The following CDH10 variants were observed in gnomAD, a reference collection of about 807,000 sequenced individuals.
CDH10 encodes the protein cadherin 10, also known as cadherin-10.
CDH10 carries 30 observed loss-of-function variants against 73.1 expected under a neutral mutation model. The ratio of observed to expected loss-of-function variants is 0.41; its 90% CI spans 0.31 to 0.56. The LOEUF is 0.56. CDH10 is among the 20% of genes least tolerant of loss of function. The pLI is 0.27. For missense variants in CDH10, 815 were observed against 973.7 expected (o/e 0.84, Z 2.17); for synonymous variants, 345 against 348.2 (o/e 0.99, Z 0.10).
At chr5:24,618,496 T>C (rs1747199423) in intron 1 of CDH10, among the ~76,000 whole-genome samples, 1 of 152,200 alleles carries the variant, frequency 6.6e-6, no homozygotes, top group Non-Finnish European at 1.5e-5. Context: ...CATGAAGCCT[T>C]TTTCTTTTCT....
At chr5:24,574,074 A>G (rs983434135) in intron 2 of CDH10, among the ~76,000 whole-genome samples, 5 of 151,596 alleles carry the variant, frequency 3.3e-5, no homozygotes, top group African/African-American at 1.2e-4. Context: ...TTTAGTAGAA[A>G]CAGGGTTTCA....
chr5:24,489,961 A>G (rs890781312), intron 11 of CDH10, among the ~76,000 whole-genome samples: 6 of 152,106 alleles, frequency 3.9e-5, no homozygotes, highest in African/African-American at 1.4e-4. Flanking sequence ...GTGACCTTGG[A>G]ATATGTTCTG....
intron 2 of CDH10, among the ~76,000 whole-genome samples, chr5:24,547,099 T>C (rs1380654521): frequency 1.3e-5 from 2 of 152,242 alleles, no homozygotes; most frequent in Non-Finnish European, 2.9e-5. Context: ...CAGTGGACTA[T>C]GTATACATGG....
Position 24,492,908 on chromosome 5 carries a change from A to G in CDH10, c.1533T>C (p.Ser511=). Residue 511 remains serine, a synonymous_variant, in exon 10 of 12, where the codon AGT becomes AGC. Coordinates refer to ENST00000264463, the MANE Select transcript of CDH10 (RefSeq NM_006727.5). ...CTAAAGGGTCATCTTTGTCTACTGC[A>G]CTTATAGTCTGTATTAGCTGCAGAA... ...ARPGQLIQTI[S]AVDKDDPLGG... is the part of the protein sequence containing the mutation. 1 of 1,515,284 alleles carries G rather than the reference A, an allele frequency of 6.6e-7. No individual in the cohort carries two copies. The highest frequency in any genetic ancestry group is 1.7e-5 in the Admixed American group (1 of 59,902). The allele number at this position is 1,515,284 out of a possible 1,614,324, so 93.9% of individuals were successfully genotyped here.
At chr5:24,525,190 G>A (rs1000402912) in intron 5 of CDH10, among the ~76,000 whole-genome samples, 9 of 151,952 alleles carry the variant, frequency 5.9e-5, no homozygotes, top group African/African-American at 1.7e-4. Context: ...TGAGTTTAGC[G>A]ACAAACAGCT....
At chr5:24,605,676 T>C (rs1284978117) in intron 1 of CDH10, among the ~76,000 whole-genome samples, 1 of 152,244 alleles carries the variant, frequency 6.6e-6, no homozygotes, top group Admixed American at 6.5e-5. Flanking sequence ...AGATGTTACA[T>C]ATGTACTAAT....
chr5:24,549,303 G>A (rs181131760), intron 2 of CDH10, among the ~76,000 whole-genome samples: 1 of 152,130 alleles, frequency 6.6e-6, no homozygotes, highest in Admixed American at 6.5e-5. Context: ...AGAGGAAATA[G>A]GTAAGAAATT....
At chr5:24,538,817 A>G (rs1744051052) in intron 2 of CDH10, among the ~76,000 whole-genome samples, 1 of 152,084 alleles carries the variant, frequency 6.6e-6, no homozygotes, top group African/African-American at 2.4e-5. Context: ...TGCCCTATAT[A>G]GAATTCTTAC....
intron 2 of CDH10, among the ~76,000 whole-genome samples, chr5:24,583,468 G>C (rs998789443): frequency 6.6e-6 from 1 of 151,796 alleles, no homozygotes; most frequent in African/African-American, 2.4e-5. Context: ...ACACATAATG[G>C]CTATGAAAAT....
At chr5:24,564,292 T>C (rs1326173992) in intron 2 of CDH10, among the ~76,000 whole-genome samples, 1 of 152,216 alleles carries the variant, frequency 6.6e-6, no homozygotes, top group African/African-American at 2.4e-5. Flanking sequence ...TGTCGAATGC[T>C]TTATCTGGAC....
At chr5:24,513,140 TC>T (rs1226519987) in intron 5 of CDH10, among the ~76,000 whole-genome samples, 3 of 151,984 alleles carry the variant, frequency 2.0e-5, no homozygotes, top group Non-Finnish European at 4.4e-5. Flanking sequence ...TGCCTCAGCC[TC>T]CTGAGTAGAT....
At chr5:24,521,824 G>A (rs1169663593) in intron 5 of CDH10, among the ~76,000 whole-genome samples, 1 of 151,960 alleles carries the variant, frequency 6.6e-6, no homozygotes, top group Non-Finnish European at 1.5e-5. Context: ...AAAAAGGAAG[G>A]ATGTAAATGT....
At chr5:24,488,624 A>G (rs1741932382) in intron 11 of CDH10, among the ~76,000 whole-genome samples, 1 of 152,150 alleles carries the variant, frequency 6.6e-6, no homozygotes, top group African/African-American at 2.4e-5. Context: ...CATCATTCAC[A>G]ACATACTGAG....
intron 5 of CDH10, among the ~76,000 whole-genome samples, chr5:24,518,386 C>A (rs78279861): frequency 0.023 from 3,459 of 152,122 alleles, 83 homozygotes; most frequent in East Asian, 0.086. Flanking sequence ...TATACACACA[C>A]ACATATATAT....
intron 1 of CDH10, among the ~76,000 whole-genome samples, chr5:24,606,330 G>A (rs1746758728): frequency 6.6e-6 from 1 of 152,112 alleles, no homozygotes; most frequent in African/African-American, 2.4e-5. Context: ...ACTATTACAG[G>A]CCTGGCGCAG....
chr5:24,624,868 G>A (rs1166921865), intron 1 of CDH10, among the ~76,000 whole-genome samples: 1 of 152,084 alleles, frequency 6.6e-6, no homozygotes. Flanking sequence ...AATAGAGCTG[G>A]AAAATGCTAA....
At chr5:24,582,065 G>A (rs913656026) in intron 2 of CDH10, among the ~76,000 whole-genome samples, 2 of 152,114 alleles carry the variant, frequency 1.3e-5, no homozygotes, top group East Asian at 3.9e-4. Flanking sequence ...AAAGATTAAA[G>A]CTAGGTTCAT....
intron 7 of CDH10, among the ~76,000 whole-genome samples, chr5:24,508,549 G>C (rs1313864956): frequency 6.6e-6 from 1 of 152,112 alleles, no homozygotes; most frequent in Admixed American, 6.5e-5. Flanking sequence ...TACAAAGACA[G>C]GGTGTTGCTT....
At chr5:24,534,990 A>AT in intron 5 of CDH10, 122 bp downstream of exon 5, 2 of 899,850 alleles carry the variant, frequency 2.2e-6, no homozygotes. Context: ...TTTGTATCAC[A>AT]TTTTCAATAT....
Sources: gnomAD v4.1 joint callset for allele counts (sites outside exome capture counted in the v4.1 genomes callset) on GRCh38, gnomAD v4.1.1 for gene constraint, MANE v1.5 for transcripts, NCBI Gene and HGNC (gene_info 2026-07-23, HGNC 2026-07-21) for gene names.